ZNF142: variants seen among roughly 807,000 people sequenced by gnomAD.
ZNF142 encodes the protein zinc finger protein 142.
Under a neutral mutation model 132.1 loss-of-function variants are expected in ZNF142, and 96 were observed. That is an observed-to-expected ratio of 0.73 (90% CI 0.62 to 0.86). The LOEUF is 0.86. ZNF142 is among the 40% of genes least tolerant of loss of function. The pLI is 0.00. For missense variants in ZNF142, 2,163 were observed against 2,336.2 expected, an observed-to-expected ratio of 0.93 and a Z score of 1.53; for synonymous variants, 842 against 890.1, an observed-to-expected ratio of 0.95 and a Z score of 0.96.
chr2:218,636,834 G>A lies in ZNF142; in HGVS notation c.*1505C>T. 1.8e-6 allele frequency: 1 copy of A among 558,220 alleles called. No homozygotes were observed. The highest frequency in any genetic ancestry group is 3.4e-6 in the Non-Finnish European group (1 of 293,970). 34.6% of individuals were successfully genotyped at this position (558,220 alleles called of 1,614,324 possible). On this transcript the variant is annotated 3_prime_UTR_variant, in exon 11 of 11. Transcript: ENST00000411696. Reference sequence around the variant, plus strand: ...CTTTTCCTTTGTGTACTCTATACTGGAGTTCCCTTCTTCCTCTTGCTGTAG... The same window carrying A: ...CTTTTCCTTTGTGTACTCTATACTGAAGTTCCCTTCTTCCTCTTGCTGTAG...
chr2:218,641,540 A>G (rs1266875093), intron 9 of ZNF142, among the ~76,000 whole-genome samples: 2 of 150,594 alleles, frequency 1.3e-5, no homozygotes, highest in Non-Finnish European at 3.0e-5. Context: ...CACCGCACCC[A>G]GCCTCAATTT....
chr2:218,639,515 G>A (rs181994375), intron 10 of ZNF142, among the ~76,000 whole-genome samples: 65 of 152,164 alleles, frequency 4.3e-4, no homozygotes, highest in African/African-American at 1.4e-3. Context: ...TAAACACAAC[G>A]GCTTGTTCAA....
At position 218,635,520 on chromosome 2, in the gene ZNF142, G is replaced by A. The variant is rs1696675840; in HGVS notation, c.*2819C>T. ...TGCCTGGCTAATTTTTGTATTTTTA[G>A]TAGAGATAGGGTTTCACCATGTTGG... On this transcript the variant is annotated 3_prime_UTR_variant, in exon 11 of 11. Transcript: ENST00000411696. Among the ~76,000 whole-genome samples, 1 of 152,078 alleles carries A rather than the reference G, an allele frequency of 6.6e-6. No individual in the cohort carries two copies. The highest frequency in any genetic ancestry group is 2.4e-5 in the African/African-American group (1 of 41,394).
At chr2:218,641,972 T>G in intron 9 of ZNF142, 56 bp downstream of exon 9, 1 of 1,565,884 alleles carries the variant, frequency 6.4e-7, no homozygotes, top group Admixed American at 1.8e-5. Context: ...ACCAAGGCAG[T>G]TTAACTCCAG....
At chr2:218,649,492 G>C in intron 6 of ZNF142, 33 bp from the exon 7 acceptor site, 1 of 1,501,062 alleles carries the variant, frequency 6.7e-7, no homozygotes, top group Non-Finnish European at 8.9e-7. Context: ...TTGAGAGAGT[G>C]AGATTTTTCT....
Position 218,642,212 on chromosome 2 carries a change from T to C in ZNF142, c.4904A>G (p.His1635Arg), listed in dbSNP as rs772191289. 1.9e-6 allele frequency: 3 copies of C among 1,614,180 alleles called. No homozygotes were observed. The highest frequency in any genetic ancestry group is 4.5e-5 in the East Asian group (2 of 44,890). ...CACATGGTGATCTAGTACCAGCTGA[T>C]GGCGGCATGTGAAGTCACAAAAGGG... ...HCPFCDFTCR[H>R]QLVLDHHVKG... The change falls in exon 9 of 11, where the codon CAT (histidine) becomes CGT (arginine). Residue 1635 changes from histidine to arginine, a missense_variant. Physicochemically the swap from His to Arg is conservative, Grantham distance 29. Around this residue, in one of 7 missense-constraint regions of ZNF142, gnomAD observed 325 missense variants for 367.8 expected, o/e 0.88. Transcript: ENST00000411696. This position sits in a 1 kb window ranked among gnomAD's most constrained non-coding sequence, Gnocchi z 4.6.
Position 218,636,366 on chromosome 2 carries a change from C to T in ZNF142, c.*1973G>A, listed in dbSNP as rs768240905. 6.2e-6 allele frequency: 10 copies of T among 1,614,032 alleles called. No individual in the cohort carries two copies. The highest frequency in any genetic ancestry group is 1.7e-5 in the Admixed American group (1 of 60,014). On this transcript the variant is annotated 3_prime_UTR_variant, in exon 11 of 11. Coordinates refer to ENST00000411696, the MANE Select transcript of ZNF142 (RefSeq NM_001379659.1). ...CGAAATGACTTTATTGGTCAGTACA[C>T]CCTGCCTTGGACCTGCATGCAACAA...
At position 218,634,549 on chromosome 2, in the gene ZNF142, A is replaced by G; in HGVS notation, c.*3790T>C. The G allele has an allele frequency of 6.2e-7, 1 of 1,614,070 alleles. No homozygotes were observed. Among genetic ancestry groups the G allele is most frequent in the Non-Finnish European group, 8.5e-7 (1 of 1,179,902 alleles). ...GCGGCTGTGGCTATGTGCTGAAGCC[A>G]GACTTCCTGCGTGATATCCAGAGTT... On this transcript the variant is annotated 3_prime_UTR_variant, in exon 11 of 11. Coordinates refer to ENST00000411696, the MANE Select transcript of ZNF142 (RefSeq NM_001379659.1). The surrounding 1 kb of genome is among the most constrained non-coding windows in gnomAD (Gnocchi z 4.0).
At position 218,636,718 on chromosome 2, in the gene ZNF142, T is replaced by A. The variant is rs1696780040; in HGVS notation, c.*1621A>T. 1.1e-6 allele frequency: 1 copy of A among 877,360 alleles called. No homozygotes were observed. The highest frequency in any genetic ancestry group is 2.4e-5 in the Admixed American group (1 of 42,064). The allele number at this position is 877,360 out of a possible 1,614,324, so 54.3% of individuals were successfully genotyped here. Reference sequence around the variant, plus strand: ...CCTAGGCACAAAATTACCTCATTCTTCCTAACAAGCAATCTGGGACCTGAT... The same window carrying A: ...CCTAGGCACAAAATTACCTCATTCTACCTAACAAGCAATCTGGGACCTGAT... On this transcript the variant is annotated 3_prime_UTR_variant, in exon 11 of 11. Coordinates refer to ENST00000411696, the MANE Select transcript of ZNF142 (RefSeq NM_001379659.1).
At chr2:218,653,387 G>A (rs556767346) in intron 4 of ZNF142, among the ~76,000 whole-genome samples, 1 of 152,016 alleles carries the variant, frequency 6.6e-6, no homozygotes, top group Admixed American at 6.6e-5. Flanking sequence ...AGACCAGCCT[G>A]ACCAACATGG....
At position 218,634,559 on chromosome 2, in the gene ZNF142, C is replaced by T. The variant is rs779560665; in HGVS notation, c.*3780G>A. ...CTATGTGCTGAAGCCAGACTTCCTG[C>T]GTGATATCCAGAGTTCTTTCCACCC... On this transcript the variant is annotated 3_prime_UTR_variant, in exon 11 of 11. Coordinates refer to ENST00000411696, the MANE Select transcript of ZNF142 (RefSeq NM_001379659.1). This position sits in a 1 kb window ranked among gnomAD's most constrained non-coding sequence, Gnocchi z 4.0. 20 of 1,614,038 alleles carry T rather than the reference C, an allele frequency of 1.2e-5. No individual in the cohort carries two copies. The highest frequency in any genetic ancestry group is 1.6e-5 in the Non-Finnish European group (19 of 1,179,900).
At chr2:218,639,412 C>T (rs1696981367) in intron 10 of ZNF142, among the ~76,000 whole-genome samples, 1 of 152,208 alleles carries the variant, frequency 6.6e-6, no homozygotes, top group Non-Finnish European at 1.5e-5. Context: ...AGCTACCTGA[C>T]AGTAATGAAT....
At chr2:218,656,494 A>G in intron 3 of ZNF142, 31 bp from the exon 4 acceptor site, 1 of 1,422,056 alleles carries the variant, frequency 7.0e-7, no homozygotes, top group Non-Finnish European at 9.3e-7. Flanking sequence ...AAAACAAAGT[A>G]AGGTTAGAGT....
chr2:218,646,759 G>T (rs1187097678), intron 7 of ZNF142, among the ~76,000 whole-genome samples: 1 of 151,970 alleles, frequency 6.6e-6, no homozygotes, highest in Non-Finnish European at 1.5e-5. Context: ...TAATTTTTTT[G>T]TATTTTTAGT....
rs1438711323 is a variant in ZNF142, at chr2:218,642,037, A to G, written c.5079T>C (p.Ser1693=). 1 of 1,613,426 alleles carries G rather than the reference A, an allele frequency of 6.2e-7. No individual in the cohort carries two copies. The highest frequency in any genetic ancestry group is 1.3e-5 in the African/African-American group (1 of 74,906). ...TATCCTCTGACATTACCTTGAGACGAGAGGGATCAGCACAGGCATAGGGGC... is the reference window on the plus strand; with the variant it reads ...TATCCTCTGACATTACCTTGAGACGGGAGGGATCAGCACAGGCATAGGGGC... ...HLCPYACADP[S]RLKYHMRIHK... is the part of the protein sequence containing the mutation. Residue 1693 remains serine, a synonymous_variant, in exon 9 of 11, where the codon TCT becomes TCC. Coordinates refer to ENST00000411696, the MANE Select transcript of ZNF142 (RefSeq NM_001379659.1). This position sits in a 1 kb window ranked among gnomAD's most constrained non-coding sequence, Gnocchi z 4.6.
Position 218,658,972 on chromosome 2 carries a change from T to C in ZNF142, c.-211+8A>G, listed in dbSNP as rs1437845361. On this transcript the variant is annotated splice_region_variant and intron_variant, in intron 2 of 10. Coordinates refer to ENST00000411696, the MANE Select transcript of ZNF142 (RefSeq NM_001379659.1). ...CCAGGTTCCCACCTGCCTCTGGCTC[T>C]GACTCACCGCGTGGTCTTGGACAGA... The C allele has an allele frequency of 6.6e-6, 1 of 152,336 alleles. No individual in the cohort carries two copies. Among genetic ancestry groups the C allele is most frequent in the African/African-American group, 2.4e-5 (1 of 41,458 alleles). 9.4% of individuals were successfully genotyped at this position (152,336 alleles called of 1,614,324 possible). A position where few individuals can be genotyped will look rare whatever the true frequency, so the allele number is the denominator to read the frequency against.
At chr2:218,639,569 T>C (rs1214545081) in intron 10 of ZNF142, among the ~76,000 whole-genome samples, 2 of 152,084 alleles carry the variant, frequency 1.3e-5, no homozygotes, top group Admixed American at 1.3e-4. Context: ...AGTGAGACCC[T>C]GTCTACAAAA....
At chr2:218,654,074 T>A (rs1938259094) in intron 4 of ZNF142, among the ~76,000 whole-genome samples, 1 of 152,150 alleles carries the variant, frequency 6.6e-6, no homozygotes, top group Non-Finnish European at 1.5e-5. Flanking sequence ...AAAATAATTT[T>A]AAAAAATAAA....
Position 218,642,984 on chromosome 2 carries a change from A to C in ZNF142, c.4132T>G (p.Phe1378Val), listed in dbSNP as rs1161013484. 1.9e-6 allele frequency: 3 copies of C among 1,612,916 alleles called. No homozygotes were observed. The highest frequency in any genetic ancestry group is 3.3e-5 in the Admixed American group (2 of 59,878). Residue 1378 changes from phenylalanine (F) to valine (V), a missense_variant, in exon 9 of 11, where the codon TTC becomes GTC. By Grantham distance (50) the Phe-to-Val change is conservative. This residue lies in a region of ZNF142 where 809 missense variants were observed against 801.7 expected (regional missense o/e 1.01). Transcript: ENST00000411696. This position sits in a 1 kb window ranked among gnomAD's most constrained non-coding sequence, Gnocchi z 4.6. ...ATGCAACGGCTCTGTTTACAGGTGA[A>C]GCCACAGTCCCCACACTGTAGATGG... ...RPHLQCGDCG[F>V]TCKQSRCMQQ... is the part of the protein sequence containing the mutation.
Sources: allele counts gnomAD v4.1 joint callset (sites outside exome capture counted in the v4.1 genomes callset), GRCh38; gene constraint gnomAD v4.1.1; regional missense constraint gnomAD v4.1.1; non-coding constraint Gnocchi (gnomAD v3.1); transcripts MANE v1.5; gene names NCBI Gene and HGNC (gene_info 2026-07-23, HGNC 2026-07-21).